CRTC2: variants seen among roughly 807,000 people sequenced by gnomAD.
CRTC2 encodes CREB regulated transcription coactivator 2.
Under a neutral mutation model 70.9 loss-of-function variants are expected in CRTC2, and 25 were observed. The observed-to-expected ratio is 0.35, with a 90% CI of 0.26 to 0.49. The LOEUF is 0.49. Among genes scored for constraint, CRTC2 ranks in the 20% least tolerant of loss-of-function variants. CRTC2 has a pLI of 0.98. For synonymous variants in CRTC2, 330 were observed against 364.1 expected (o/e 0.91, Z 1.07); for missense variants, 737 against 882.6 (o/e 0.83, Z 2.09).
rs752259202 is a variant in CRTC2 at position 153,951,388 on chromosome 1, G to A, written c.1276C>T (p.His426Tyr). 12 of 1,609,736 alleles carry A rather than the reference G, an allele frequency of 7.5e-6. No homozygotes were observed. The highest frequency in any genetic ancestry group is 1.0e-5 in the Non-Finnish European group (12 of 1,177,706). Residue 426 changes from histidine to tyrosine, a missense_variant, in exon 11 of 14, where the codon CAC becomes TAC. This residue lies in a region of CRTC2 where 699 missense variants were observed against 823.7 expected (regional missense o/e 0.85). Transcript: ENST00000368633. ...GGGCTGAGGGGCACACGGCGGTGGT[G>A]GGGGGAGGCCCCAGGGGTAGAAGCA... ...YPASTPGASPHHRRVPLSPLS... is the reference protein window; with the variant it reads ...YPASTPGASPYHRRVPLSPLS...
chr1:153,949,875 A>G (rs1236616443), intron 11 of CRTC2, among the ~76,000 whole-genome samples: 1 of 152,116 alleles, frequency 6.6e-6, no homozygotes, highest in Non-Finnish European at 1.5e-5. Context: ...GCCTATCAGA[A>G]TGAAAGTGAT....
rs770407643 is a variant in CRTC2, at chr1:153,958,361, T to G, written c.137A>C (p.Asp46Ala). The G allele has an allele frequency of 6.2e-7, 1 of 1,612,728 alleles. No homozygotes were observed. The highest frequency in any genetic ancestry group is 1.1e-5 in the South Asian group (1 of 91,006). Residue 46 changes from aspartate (D) to alanine (A), a missense_variant, in exon 1 of 14, where the codon GAC becomes GCC. Physicochemically the swap from Asp to Ala is moderately radical, Grantham distance 126. This residue lies in a region of CRTC2 where 699 missense variants were observed against 823.7 expected (regional missense o/e 0.85). Coordinates refer to ENST00000368633, the MANE Select transcript of CRTC2 (RefSeq NM_181715.3). ...ETAAFEEVMM[D>A]IGSTRLQAQK... ...GCCCCTCACCCGGGTGGAGCCGATG[T>G]CCATCATCACCTCCTCGAAGGCCGC...
chr1:153,951,796 GA>G (rs1203661425), intron 10 of CRTC2, 130 bp from the exon 11 acceptor site: 1 of 1,105,844 alleles, frequency 9.0e-7, no homozygotes. Flanking sequence ...CTCTATCCCT[GA>G]CAGCACTGCC....
chr1:153,951,430 C>T lies in CRTC2; in HGVS notation c.1234G>A (p.Gly412Ser). ...SSSSTSSPVL[G>S]APSYPASTPG... ...GTAGAAGCAGGGTAAGAGGGGGCGC[C>T]CAAAACAGGAGATGAAGTGGAGGAG... The change falls in exon 11 of 14, where the codon GGC becomes AGC. Residue 412 changes from glycine (G) to serine (S), a missense_variant. Physicochemically the swap from Gly to Ser is moderately conservative, Grantham distance 56. Around this residue, in one of 3 missense-constraint regions of CRTC2, gnomAD observed 699 missense variants for 823.7 expected, o/e 0.85. Transcript: ENST00000368633. 1 of 1,602,964 alleles carries T rather than the reference C, an allele frequency of 6.2e-7. No individual in the cohort carries two copies. The highest frequency in any genetic ancestry group is 8.5e-7 in the Non-Finnish European group (1 of 1,174,362).
In CRTC2 at chr1:153,948,145, A is replaced by G; in HGVS notation, c.2046T>C (p.Ala682=). 6.2e-7 allele frequency: 1 copy of G among 1,614,200 alleles called. No homozygotes were observed. Among genetic ancestry groups the G allele is most frequent in the Non-Finnish European group, 8.5e-7 (1 of 1,180,030 alleles). Residue 682 remains alanine (A), a synonymous_variant, in exon 14 of 14, where the codon GCT becomes GCC. Coordinates refer to ENST00000368633, the MANE Select transcript of CRTC2 (RefSeq NM_181715.3). The part of the protein sequence containing the change: ...SDPCALLPDP[A]VEESFRSDRL... ...GGTCACTGCGGAATGACTCCTCCAC[A>G]GCAGGATCAGGCAGCAGGGCACAGG... is the stretch of plus-strand genomic sequence containing the variant.
At position 153,952,060 on chromosome 1, in the gene CRTC2, T is replaced by C. The variant is rs1680350851; in HGVS notation, c.955A>G (p.Ile319Val). The C allele has an allele frequency of 3.1e-6, 5 of 1,613,856 alleles. No individual in the cohort carries two copies. The highest frequency in any genetic ancestry group is 4.2e-6 in the Non-Finnish European group (5 of 1,179,916). Residue 319 changes from isoleucine (I) to valine (V), a missense_variant, in exon 10 of 14, where the codon ATC (isoleucine) becomes GTC (valine). Coordinates refer to ENST00000368633, the MANE Select transcript of CRTC2 (RefSeq NM_181715.3). ...NLTHTMTHLGISRGMGLGPGY... is the reference protein window; with the variant it reads ...NLTHTMTHLGVSRGMGLGPGY... ...GGGCCCAGGCCCATGCCCCTGCTGA[T>C]GCCCAGGTGAGTCATGGTGTGGGTC... is the stretch of plus-strand genomic sequence containing the variant.
At position 153,951,648 on chromosome 1, in the gene CRTC2, C is replaced by T. The variant is rs1240496998; in HGVS notation, c.1016G>A (p.Ser339Asn). The T allele has an allele frequency of 1.9e-6, 3 of 1,613,340 alleles. No individual in the cohort carries two copies. The highest frequency in any genetic ancestry group is 2.5e-6 in the Non-Finnish European group (3 of 1,179,766). ...YDAPGLHSPL[S>N]HPSLQSSLSN... Reference sequence around the variant, plus strand: ...TAGGGAGGACTGCAGGGATGGGTGGCTGAGAGGTGAATGAAGTCCTGCAGG... The same window carrying T: ...TAGGGAGGACTGCAGGGATGGGTGGTTGAGAGGTGAATGAAGTCCTGCAGG... Residue 339 changes from serine to asparagine, a missense_variant, in exon 11 of 14, where the codon AGC becomes AAC. By Grantham distance (46) the Ser-to-Asn change is conservative. This residue lies in a region of CRTC2 where 699 missense variants were observed against 823.7 expected (regional missense o/e 0.85). Transcript: ENST00000368633.
At chr1:153,956,958 G>T (rs77941048) in intron 1 of CRTC2, among the ~76,000 whole-genome samples, 1,954 of 152,168 alleles carry the variant, frequency 0.013, 42 homozygotes, top group African/African-American at 0.045. Flanking sequence ...CAGTCCTGAG[G>T]GCAGGGCCTC....
Position 153,947,898 on chromosome 1 carries a change from C to T in CRTC2, c.*211G>A. 1.7e-6 allele frequency: 1 copy of T among 599,060 alleles called. No individual in the cohort carries two copies. The highest frequency in any genetic ancestry group is 2.0e-5 in the South Asian group (1 of 50,682). The allele number at this position is 599,060 out of a possible 1,614,324, so 37.1% of individuals were successfully genotyped here. The stretch of plus-strand genomic sequence containing the variant: ...GTTCAAAGTTACAAGTGCTTTAGGC[C>T]CTCCCTTGAGTTCCCCCAGGCCCAT... On this transcript the variant is annotated 3_prime_UTR_variant, in exon 14 of 14. Coordinates refer to ENST00000368633, the MANE Select transcript of CRTC2 (RefSeq NM_181715.3).
rs1317642295 is a variant in CRTC2, at chr1:153,948,525, G to A, written c.1794C>T (p.His598=). The change falls in exon 13 of 14, where the codon CAC becomes CAT. Residue 598 remains histidine, a synonymous_variant. Transcript: ENST00000368633. The part of the protein sequence containing the change: ...EGPMGGPQDP[H]TFNHQNLTHC... Reference sequence around the variant, plus strand: ...GGGTCAAGTTCTGGTGGTTGAAGGTGTGGGGATCCTGGGGGCCACCCATTG... The same window carrying A: ...GGGTCAAGTTCTGGTGGTTGAAGGTATGGGGATCCTGGGGGCCACCCATTG... 2 of 1,612,896 alleles carry A rather than the reference G, an allele frequency of 1.2e-6. No homozygotes were observed. Among genetic ancestry groups the A allele is most frequent in the Non-Finnish European group, 1.7e-6 (2 of 1,179,422 alleles).
intron 5 of CRTC2, 36 bp from the exon 6 acceptor site, chr1:153,953,405 C>T: frequency 6.5e-7 from 1 of 1,536,780 alleles, no homozygotes. Flanking sequence ...ACACCAGTGA[C>T]AGTCTTCCTG....
rs1680328621 is a variant in CRTC2 at position 153,951,670 on chromosome 1, C to T, written c.998-4G>A. Reference sequence around the variant, plus strand: ...TGGCTGAGAGGTGAATGAAGTCCTGCAGGCACAGACAAAAAACCAGAGATG... The same window carrying T: ...TGGCTGAGAGGTGAATGAAGTCCTGTAGGCACAGACAAAAAACCAGAGATG... On this transcript the variant is annotated splice_polypyrimidine_tract_variant and splice_region_variant and intron_variant, in intron 10 of 13. Transcript: ENST00000368633. 3 of 1,612,144 alleles carry T rather than the reference C, an allele frequency of 1.9e-6. No individual in the cohort carries two copies. Among genetic ancestry groups the T allele is most frequent in the Non-Finnish European group, 1.7e-6 (2 of 1,179,150 alleles).
intron 12 of CRTC2, 44 bp downstream of exon 12, chr1:153,949,071 C>A: frequency 6.3e-7 from 1 of 1,596,336 alleles, no homozygotes; most frequent in Non-Finnish European, 8.6e-7. Context: ...TTGACCCACC[C>A]TCACCCACTC....
chr1:153,948,244 C>T lies in CRTC2; in HGVS notation c.1947G>A (p.Glu649=), dbSNP rs761634373. ...PGFEVSAAGL[E]LGLGLEDELR... is the part of the protein sequence containing the mutation. ...GCTCATCTTCTAGCCCAAGCCCTAG[C>T]TCCAATCCAGCTGCTGACACCTCAA... The change falls in exon 14 of 14, where the codon GAG becomes GAA. Residue 649 remains glutamate, a synonymous_variant. Coordinates refer to ENST00000368633, the MANE Select transcript of CRTC2 (RefSeq NM_181715.3). 7.4e-6 allele frequency: 12 copies of T among 1,614,152 alleles called. No homozygotes were observed. The highest frequency in any genetic ancestry group is 3.3e-5 in the Admixed American group (2 of 60,016).
Position 153,951,518 on chromosome 1 carries a change from C to T in CRTC2, c.1146G>A (p.Leu382=). Residue 382 remains leucine (L), a synonymous_variant, in exon 11 of 14, where the codon CTG becomes CTA. Transcript: ENST00000368633. Reference sequence around the variant, plus strand: ...AGGGGTGGCCCAGGGAGGTGGTGGGCAGTACATGGCGGGCCAAGGAGGAGG... The same window carrying T: ...AGGGGTGGCCCAGGGAGGTGGTGGGTAGTACATGGCGGGCCAAGGAGGAGG... The part of the protein sequence containing the change: ...LPASSLARHV[L]PTTSLGHPSL... The T allele has an allele frequency of 6.2e-7, 1 of 1,602,988 alleles. No individual in the cohort carries two copies. Among genetic ancestry groups the T allele is most frequent in the Non-Finnish European group, 8.5e-7 (1 of 1,174,856 alleles).
At chr1:153,948,834 C>G in intron 12 of CRTC2, 190 bp from the exon 13 acceptor site, 1 of 761,248 alleles carries the variant, frequency 1.3e-6, no homozygotes, top group Non-Finnish European at 2.3e-6. Flanking sequence ...GGCACCGTAC[C>G]TGCTGGGCCA....
chr1:153,955,135 G>C lies in CRTC2; in HGVS notation c.185C>G (p.Thr62Arg). 6.2e-7 allele frequency: 1 copy of C among 1,614,042 alleles called. No individual in the cohort carries two copies. The highest frequency in any genetic ancestry group is 1.1e-5 in the South Asian group (1 of 91,084). The change falls in exon 2 of 14, where the codon ACA (threonine) becomes AGA (arginine). Residue 62 changes from threonine to arginine, a missense_variant. Transcript: ENST00000368633. ...LQAQKLRLAY[T>R]RSSHYGGSLP... Reference sequence around the variant, plus strand: ...AGACCCACCATAATGAGAGCTCCTTGTGTATGCCAGTCGCAGTTTTTGGGC... The same window carrying C: ...AGACCCACCATAATGAGAGCTCCTTCTGTATGCCAGTCGCAGTTTTTGGGC...
Position 153,954,336 on chromosome 1 carries a change from GA to G in CRTC2, c.373-21del, listed in dbSNP as rs2102116924. The G allele has an allele frequency of 3.2e-6, 5 of 1,578,848 alleles. No individual in the cohort carries two copies. The highest frequency in any genetic ancestry group is 4.3e-6 in the Non-Finnish European group (5 of 1,150,628). ...GTCAATGTGAACAGCACCAGTTAAG[GA>G]AAAAAGTAGAGAGGACAGATGAGAG... On this transcript the variant is annotated intron_variant, in intron 3 of 13. Transcript: ENST00000368633.
rs750486713 is a variant in CRTC2, at chr1:153,958,523, C to A, written c.-26G>T. 6.3e-6 allele frequency: 10 copies of A among 1,596,604 alleles called. No individual in the cohort carries two copies. In the African/African-American group the frequency reaches 1.3e-4, roughly 21 times the overall value. On this transcript the variant is annotated 5_prime_UTR_variant, in exon 1 of 14. Coordinates refer to ENST00000368633, the MANE Select transcript of CRTC2 (RefSeq NM_181715.3). ...CTTCCTTCCCCGTCCCTCCCTGCCACCCTCCCAGTACCAGCCGCGGCCTCC... is the reference window on the plus strand; with the variant it reads ...CTTCCTTCCCCGTCCCTCCCTGCCAACCTCCCAGTACCAGCCGCGGCCTCC...
Sources: gnomAD v4.1 joint callset for allele counts (sites outside exome capture counted in the v4.1 genomes callset) on GRCh38, gnomAD v4.1.1 for gene constraint, gnomAD v4.1.1 regional missense constraint, MANE v1.5 for transcripts, NCBI Gene and HGNC (gene_info 2026-07-23, HGNC 2026-07-21) for gene names.